The following MGAT4C variants were observed in gnomAD, a reference collection of about 807,000 sequenced individuals.
MGAT4C encodes MGAT4 family member C.
A neutral mutation model predicts 40.1 loss-of-function variants in MGAT4C; 19 were observed. The observed-to-expected ratio is 0.47, with a 90% CI of 0.33 to 0.70. MGAT4C has a LOEUF of 0.70. MGAT4C is among the 30% of genes least tolerant of loss of function. The pLI, the probability that MGAT4C is intolerant of heterozygous loss-of-function variation, is 0.02. For missense variants in MGAT4C, 491 were observed against 563.2 expected, an observed-to-expected ratio of 0.87 and a Z score of 1.30; for synonymous variants, 181 against 187.1, an observed-to-expected ratio of 0.97 and a Z score of 0.27.
At chr12:86,743,082 ATGTGTGTATG>A (rs1951096620) in intron 1 of MGAT4C, among the ~76,000 whole-genome samples, 2 of 144,050 alleles carry the variant, frequency 1.4e-5, no homozygotes, top group Admixed American at 1.4e-4. Flanking sequence ...GCATGTGTGT[ATGTGTGTATG>A]TGTGTGTATG....
chr12:86,277,353 T>C (rs749306593), intron 4 of MGAT4C, among the ~76,000 whole-genome samples: 4 of 152,210 alleles, frequency 2.6e-5, no homozygotes, highest in Non-Finnish European at 4.4e-5. Flanking sequence ...GTCTCCTCAC[T>C]TTGCTGATTA....
intron 4 of MGAT4C, among the ~76,000 whole-genome samples, chr12:86,323,799 C>T (rs188763728): frequency 1.8e-4 from 28 of 152,004 alleles, no homozygotes; most frequent in Non-Finnish European, 3.4e-4. Context: ...ATGCTTCCGA[C>T]AATTCCTATT....
At chr12:86,603,713 TA>T (rs1225813027) in intron 2 of MGAT4C, among the ~76,000 whole-genome samples, 14 of 132,588 alleles carry the variant, frequency 1.1e-4, no homozygotes, top group African/African-American at 3.1e-4. Context: ...CTATAGTCTA[TA>T]GACTATATAC....
intron 4 of MGAT4C, among the ~76,000 whole-genome samples, chr12:86,299,556 C>A (rs1302940386): frequency 1.3e-5 from 2 of 152,108 alleles, no homozygotes. Context: ...AATATATTAA[C>A]TCAGCTTTCT....
chr12:86,323,353 C>T (rs182500246), intron 4 of MGAT4C, among the ~76,000 whole-genome samples: 1 of 151,438 alleles, frequency 6.6e-6, no homozygotes, highest in Admixed American at 6.6e-5. Flanking sequence ...TAATATTCAA[C>T]TTGCTTTTTG....
At chr12:86,818,709 T>G (rs1225752107) in intron 1 of MGAT4C, among the ~76,000 whole-genome samples, 1 of 151,204 alleles carries the variant, frequency 6.6e-6, no homozygotes, top group Non-Finnish European at 1.5e-5. Flanking sequence ...AATAGTACTT[T>G]TTTAAGAGCA....
intron 2 of MGAT4C, among the ~76,000 whole-genome samples, chr12:86,480,451 T>G (rs977645387): frequency 2.0e-5 from 3 of 151,082 alleles, no homozygotes; most frequent in Admixed American, 1.3e-4. Flanking sequence ...TATACATATA[T>G]AGATATGTAC....
At chr12:86,401,073 A>G (rs1956350181) in intron 3 of MGAT4C, among the ~76,000 whole-genome samples, 1 of 152,116 alleles carries the variant, frequency 6.6e-6, no homozygotes, top group Admixed American at 6.6e-5. Context: ...TTAAAAAATA[A>G]TTTTGAATTT....
At chr12:86,215,952 T>C (rs746243824) in intron 1 of MGAT4C, among the ~76,000 whole-genome samples, 2 of 152,096 alleles carry the variant, frequency 1.3e-5, no homozygotes, top group African/African-American at 4.8e-5. Flanking sequence ...TTTGAGCAAT[T>C]TTTACTGAAC....
chr12:86,202,781 T>C (rs988356677), intron 1 of MGAT4C, among the ~76,000 whole-genome samples: 16 of 152,150 alleles, frequency 1.1e-4, no homozygotes, highest in African/African-American at 3.1e-4. Flanking sequence ...GTTTAACCCA[T>C]TCAGTGAATT....
intron 1 of MGAT4C, among the ~76,000 whole-genome samples, chr12:86,823,800 G>A (rs1952750598): frequency 6.6e-6 from 1 of 151,152 alleles, no homozygotes; most frequent in Non-Finnish European, 1.5e-5. Flanking sequence ...GCTAGTAAGT[G>A]ATATGCAGAA....
chr12:86,774,291 C>CTTTCTT (rs1555227740), intron 1 of MGAT4C, among the ~76,000 whole-genome samples: 1 of 28,596 alleles, frequency 3.5e-5, no homozygotes, highest in Non-Finnish European at 8.8e-5. Context: ...CTCTTTCTTT[C>CTTTCTT]TTTCTTTCTT....
intron 1 of MGAT4C, among the ~76,000 whole-genome samples, chr12:86,782,913 T>C (rs1019203338): frequency 6.6e-6 from 1 of 152,170 alleles, no homozygotes; most frequent in Non-Finnish European, 1.5e-5. Context: ...TGAGAGAAAA[T>C]ACATTTCTGT....
chr12:86,613,719 T>A (rs1036164764), intron 2 of MGAT4C, among the ~76,000 whole-genome samples: 3 of 152,102 alleles, frequency 2.0e-5, no homozygotes, highest in Non-Finnish European at 4.4e-5. Flanking sequence ...TTTTATATGA[T>A]TTTCAACATA....
chr12:86,702,478 G>A (rs958989516), intron 2 of MGAT4C, among the ~76,000 whole-genome samples: 2 of 152,068 alleles, frequency 1.3e-5, no homozygotes, highest in Non-Finnish European at 2.9e-5. Context: ...TCTTGTTAAG[G>A]GCTAATGCAG....
chr12:86,203,975 A>AATATATATATATATATATCTATATAT (rs56952745), intron 1 of MGAT4C, among the ~76,000 whole-genome samples: 1 of 137,064 alleles, frequency 7.3e-6, no homozygotes, highest in Non-Finnish European at 1.6e-5. Context: ...AAAAAAAAGA[A>AATATATATATATATATATCTATATAT]ATATATATAT....
intron 2 of MGAT4C, among the ~76,000 whole-genome samples, chr12:86,026,286 T>C (rs1311572701): frequency 1.3e-5 from 2 of 151,810 alleles, no homozygotes; most frequent in African/African-American, 2.4e-5. Context: ...ATTGCTGCTA[T>C]AGTTTGGTTT....
chr12:86,401,269 T>C (rs944947230), intron 3 of MGAT4C, among the ~76,000 whole-genome samples: 4 of 132,498 alleles, frequency 3.0e-5, no homozygotes, highest in African/African-American at 1.1e-4. Context: ...TATGTGTGTG[T>C]GTGTGTGTGT....
rs953334122 is a variant in MGAT4C at position 85,958,946 on chromosome 12, T to TAA, written c.*20341_*20342dup. 6.6e-6 allele frequency: 1 copy of TAA among 151,536 alleles called. No homozygotes were observed. The highest frequency in any genetic ancestry group is 1.5e-5 in the Non-Finnish European group (1 of 67,880). The allele number at this position is 151,536 out of a possible 1,614,324, so 9.4% of individuals were successfully genotyped here. ...ACTTATCTTCCTGGCATTTTTGAAA[T>TAA]AAAAAAAATACAAGTGCATAGGGCA... On this transcript the variant is annotated 3_prime_UTR_variant, in exon 5 of 5. Coordinates refer to ENST00000611864, the MANE Select transcript of MGAT4C (RefSeq NM_001351288.2).
Sources: allele counts gnomAD v4.1 joint callset (sites outside exome capture counted in the v4.1 genomes callset), GRCh38; gene constraint gnomAD v4.1.1; transcripts MANE v1.5; gene names NCBI Gene and HGNC (gene_info 2026-07-23, HGNC 2026-07-21).